Variants in HSPA12A observed in about 807,000 individuals in gnomAD.
HSPA12A encodes the protein heat shock protein family A (Hsp70) member 12A, also known as heat shock 70 kDa protein 12A.
Under a neutral mutation model 69.2 loss-of-function variants are expected in HSPA12A, and 28 were observed. The ratio of observed to expected loss-of-function variants is 0.40; its 90% CI spans 0.30 to 0.55. The LOEUF (loss-of-function observed/expected upper bound fraction) is 0.55, where lower values mean the gene tolerates loss of function less well. Among genes scored for constraint, HSPA12A ranks in the 20% least tolerant of loss-of-function variants. The probability of loss-of-function intolerance (pLI) is 0.38; values close to 1 mark genes in which losing one functional copy is unlikely to be tolerated. For synonymous variants in HSPA12A, 345 were observed against 370.5 expected (o/e 0.93, Z 0.79); for missense variants, 686 against 900.7 (o/e 0.76, Z 3.05).
chr10:116,741,198 C>A lies in HSPA12A; in HGVS notation c.40+1232G>T, dbSNP rs1305726704. Among the ~76,000 whole-genome samples the A allele has an allele frequency of 2.0e-5, 3 of 152,270 alleles. No individual in the cohort carries two copies. In the East Asian group the frequency reaches 5.8e-4, roughly 30 times the overall value. On this transcript the variant is annotated intron_variant, in intron 1 of 11. Coordinates refer to ENST00000369209, the MANE Select transcript of HSPA12A (RefSeq NM_025015.3). The stretch of plus-strand genomic sequence containing the variant: ...ACCACTGCAGTGCCGCGTGGGGAGG[C>A]ACCTCCCTGATCCGCAGGAACAATG...
At chr10:116,698,786 A>C in intron 4 of HSPA12A, 47 bp from the exon 5 acceptor site, 1 of 1,465,012 alleles carries the variant, frequency 6.8e-7, no homozygotes, top group Non-Finnish European at 9.6e-7. Context: ...CACAGGAGAA[A>C]CATGTCTCCT....
Position 116,698,667 on chromosome 10 carries a change from C to A in HSPA12A, c.514G>T (p.Ala172Ser). 1 of 1,614,024 alleles carries A rather than the reference C, an allele frequency of 6.2e-7. No homozygotes were observed. Residue 172 changes from alanine (A) to serine (S), a missense_variant, in exon 5 of 12, where the codon GCC becomes TCC. By Grantham distance (99) the Ala-to-Ser change is moderately conservative (BLOSUM62 1). Transcript: ENST00000369209. ...GCCTGCTCCTTAAAGTACTGCAGGG[C>A]ATAAGCAAAGATTTCAAGGGCTTTG... ...KVKALEIFAYALQYFKEQALK... is the reference protein window; with the variant it reads ...KVKALEIFAYSLQYFKEQALK...
chr10:116,773,198 C>T (rs1321768104), intron 2 of HSPA12A, among the ~76,000 whole-genome samples: 1 of 152,246 alleles, frequency 6.6e-6, no homozygotes, highest in East Asian at 1.9e-4. Flanking sequence ...AGAGCAGGCC[C>T]AGGTGGGCCC....
intron 2 of HSPA12A, chr10:116,831,977 A>G (rs1350179664): frequency 2.6e-5 from 4 of 152,258 alleles, no homozygotes; most frequent in African/African-American, 9.6e-5. Context: ...TGCGAGGCAT[A>G]GACAAGATAG....
At chr10:116,678,097 C>G (rs1355907737) in intron 10 of HSPA12A, among the ~76,000 whole-genome samples, 1 of 151,876 alleles carries the variant, frequency 6.6e-6, no homozygotes, top group Non-Finnish European at 1.5e-5. Flanking sequence ...AAGTTTCTCT[C>G]TCTAGGAGTA....
upstream of HSPA12A, chr10:116,742,643 G>GCC: frequency 1.0e-6 from 1 of 997,832 alleles, no homozygotes; most frequent in Non-Finnish European, 1.2e-6. Context: ...CCCCGCCCCG[G>GCC]CCCGCCCGGC....
chr10:116,706,472 C>A (rs1589646964), intron 2 of HSPA12A, among the ~76,000 whole-genome samples: 1 of 152,146 alleles, frequency 6.6e-6, no homozygotes, highest in African/African-American at 2.4e-5. Context: ...AAAGGCCGGA[C>A]AGTTCCAGGA....
intron 2 of HSPA12A, among the ~76,000 whole-genome samples, chr10:116,757,093 C>G (rs2133095719): frequency 6.6e-6 from 1 of 152,224 alleles, no homozygotes; most frequent in East Asian, 1.9e-4. Context: ...TAAGGATGGT[C>G]AGCAAAAAAG....
upstream of HSPA12A, among the ~76,000 whole-genome samples, chr10:116,744,714 C>T (rs1414103160): frequency 3.3e-5 from 5 of 152,232 alleles, no homozygotes; most frequent in African/African-American, 1.2e-4. Flanking sequence ...AGCCCGCCAG[C>T]GAGGGGCTGT....
At chr10:116,782,403 A>G (rs1373193812) in intron 2 of HSPA12A, among the ~76,000 whole-genome samples, 2 of 152,232 alleles carry the variant, frequency 1.3e-5, no homozygotes, top group African/African-American at 4.8e-5. Flanking sequence ...GTATATGACA[A>G]GGCTGATAGC....
intron 2 of HSPA12A, among the ~76,000 whole-genome samples, chr10:116,775,570 C>G (rs1844316771): frequency 6.6e-6 from 1 of 152,126 alleles, no homozygotes; most frequent in African/African-American, 2.4e-5. Flanking sequence ...TTTCAGGGCA[C>G]CCGATGAGAG....
chr10:116,846,332 T>C (rs1167255335), intron 1 of HSPA12A, among the ~76,000 whole-genome samples: 8 of 141,034 alleles, frequency 5.7e-5, no homozygotes, highest in Middle Eastern at 3.6e-3. Context: ...TTTTCTTTTC[T>C]TTTTTTTTTT....
chr10:116,770,559 G>A (rs1194482500), intron 2 of HSPA12A, among the ~76,000 whole-genome samples: 1 of 152,196 alleles, frequency 6.6e-6, no homozygotes, highest in Non-Finnish European at 1.5e-5. Flanking sequence ...ATGGACCCAT[G>A]AGGCAGCAAG....
chr10:116,726,898 C>T (rs1002856220), intron 1 of HSPA12A, among the ~76,000 whole-genome samples: 4 of 152,204 alleles, frequency 2.6e-5, no homozygotes, highest in Admixed American at 2.0e-4. Flanking sequence ...GTGCCGATGA[C>T]GGATGAAGAC....
chr10:116,794,674 A>C (rs1350870042), intron 2 of HSPA12A, among the ~76,000 whole-genome samples: 1 of 152,176 alleles, frequency 6.6e-6, no homozygotes, highest in Non-Finnish European at 1.5e-5. Flanking sequence ...TTAGCTAGGC[A>C]TGGTGCCATG....
chr10:116,810,966 C>T (rs1845167134), intron 2 of HSPA12A, among the ~76,000 whole-genome samples: 1 of 152,074 alleles, frequency 6.6e-6, no homozygotes, highest in Non-Finnish European at 1.5e-5. Flanking sequence ...TTTCTATAAA[C>T]CAAAAAACAA....
intron 1 of HSPA12A, among the ~76,000 whole-genome samples, chr10:116,726,012 G>GACACACACACACACACACAC (rs1277422010): frequency 6.4e-4 from 45 of 70,578 alleles, no homozygotes; most frequent in African/African-American, 2.2e-3. Flanking sequence ...ACAAGGTTTA[G>GACACACACACACACACACAC]ACACACACAC....
At chr10:116,698,605 C>T (rs1554881176) in intron 5 of HSPA12A, 30 bp downstream of exon 5, 1 of 1,572,126 alleles carries the variant, frequency 6.4e-7, no homozygotes, top group Admixed American at 1.7e-5. Context: ...GCCTAGCACA[C>T]AGCTGGCTGG....
At chr10:116,707,484 C>T (rs1171393009) in intron 1 of HSPA12A, among the ~76,000 whole-genome samples, 199 bp from the exon 2 acceptor site, 2 of 152,214 alleles carry the variant, frequency 1.3e-5, no homozygotes, top group East Asian at 1.9e-4. Context: ...ATTTAGAATT[C>T]GACCAAATGA....
Sources: allele counts gnomAD v4.1 joint callset (sites outside exome capture counted in the v4.1 genomes callset), GRCh38; gene constraint gnomAD v4.1.1; transcripts MANE v1.5; gene names NCBI Gene and HGNC (gene_info 2026-07-23, HGNC 2026-07-21).